Variants in PLEKHM2 observed in about 807,000 individuals in gnomAD.
The protein encoded by PLEKHM2 is pleckstrin homology domain-containing family M member 2.
A neutral mutation model predicts 116.3 loss-of-function variants in PLEKHM2; 77 were observed. The ratio of observed to expected loss-of-function variants is 0.66; its 90% CI spans 0.55 to 0.80. The LOEUF (loss-of-function observed/expected upper bound fraction) is 0.80, where lower values mean the gene tolerates loss of function less well. Ranked by LOEUF, PLEKHM2 falls within the 30% of genes least tolerant of loss-of-function variation. The probability of loss-of-function intolerance (pLI) is 0.00; values close to 1 mark genes in which losing one functional copy is unlikely to be tolerated. For missense variants in PLEKHM2, 1,183 were observed against 1,354.9 expected (o/e 0.87, Z 1.99); for synonymous variants, 562 against 571.0 (o/e 0.98, Z 0.22).
intron 1 of PLEKHM2, among the ~76,000 whole-genome samples, chr1:15,692,084 G>C (rs1640899294): frequency 6.6e-6 from 1 of 151,936 alleles, no homozygotes; most frequent in Non-Finnish European, 1.5e-5. Context: ...TTACACTCCA[G>C]CCTGGGTGAC....
chr1:15,723,744 CAAAAAAAAAAAA>C (rs1056474462), intron 7 of PLEKHM2, among the ~76,000 whole-genome samples: 1 of 76,412 alleles, frequency 1.3e-5, no homozygotes, highest in Non-Finnish European at 2.6e-5. Flanking sequence ...GACCCTGTCT[CAAAAAAAAAAAA>C]AAAAAAAAAA....
rs754341890 is a variant in PLEKHM2 at position 15,730,625 on chromosome 1, C to T, written c.2302C>T (p.Pro768Ser). The change falls in exon 15 of 20, where the codon CCC (proline) becomes TCC (serine). Residue 768 changes from proline to serine, a missense_variant. Physicochemically the swap from Pro to Ser is moderately conservative, Grantham distance 74. Around this residue, in one of 3 missense-constraint regions of PLEKHM2, gnomAD observed 594 missense variants for 720.1 expected, o/e 0.82. Coordinates refer to ENST00000375799, the MANE Select transcript of PLEKHM2 (RefSeq NM_015164.4). ...CCCCACGCCCTGCCACTGCTCACCCCCCGAGGGCACCATCACCAAAGAAGG... is the reference window on the plus strand; with the variant it reads ...CCCCACGCCCTGCCACTGCTCACCCTCCGAGGGCACCATCACCAAAGAAGG... ...LGPTPCHCSP[P>S]EGTITKEGML... 8 of 1,608,254 alleles carry T rather than the reference C, an allele frequency of 5.0e-6. No homozygotes were observed. In the African/African-American group the frequency reaches 8.0e-5, roughly 16 times the overall value.
chr1:15,693,460 T>A (rs1259006444), intron 1 of PLEKHM2, among the ~76,000 whole-genome samples: 2 of 152,236 alleles, frequency 1.3e-5, no homozygotes, highest in Admixed American at 6.5e-5. Flanking sequence ...CAGAACAACC[T>A]GGGCTCGCTC....
At chr1:15,703,559 T>C (rs1337461958) in intron 1 of PLEKHM2, among the ~76,000 whole-genome samples, 1 of 152,228 alleles carries the variant, frequency 6.6e-6, no homozygotes, top group Non-Finnish European at 1.5e-5. Flanking sequence ...TGGCTGTTTA[T>C]CGTCTTTCAC....
chr1:15,691,792 G>A (rs1167002077), intron 1 of PLEKHM2, among the ~76,000 whole-genome samples: 1 of 152,124 alleles, frequency 6.6e-6, no homozygotes, highest in African/African-American at 2.4e-5. Context: ...AGATCTGCAA[G>A]TACAAAAAAA....
chr1:15,725,560 G>T lies in PLEKHM2; in HGVS notation c.941+15G>T. ...GAGGTCATCAGGTCAGCAGGGAGGG[G>T]CCCAGAAAGGAGCTGAGGTCCTGGG... On this transcript the variant is annotated intron_variant, in intron 8 of 19. Coordinates refer to ENST00000375799, the MANE Select transcript of PLEKHM2 (RefSeq NM_015164.4). The T allele has an allele frequency of 6.5e-7, 1 of 1,539,194 alleles. No individual in the cohort carries two copies. The highest frequency in any genetic ancestry group is 1.4e-5 in the African/African-American group (1 of 72,956).
At chr1:15,701,649 G>T (rs1435928563) in intron 1 of PLEKHM2, among the ~76,000 whole-genome samples, 2 of 151,844 alleles carry the variant, frequency 1.3e-5, no homozygotes, top group African/African-American at 2.4e-5. Context: ...AAATTAGCTG[G>T]ACGTGGTGGC....
chr1:15,705,301 C>T (rs1027600618), intron 1 of PLEKHM2, among the ~76,000 whole-genome samples: 2 of 150,966 alleles, frequency 1.3e-5, no homozygotes, highest in African/African-American at 2.4e-5. Flanking sequence ...ACTTCAGCCT[C>T]CTGAGTAGCT....
chr1:15,707,807 G>T (rs1239400237), intron 1 of PLEKHM2, among the ~76,000 whole-genome samples: 3 of 152,246 alleles, frequency 2.0e-5, no homozygotes, highest in Non-Finnish European at 2.9e-5. Flanking sequence ...CACCCTGGCT[G>T]CTCTCCTTGG....
Position 15,728,450 on chromosome 1 carries a change from G to A in PLEKHM2, c.1921+93G>A, listed in dbSNP as rs1340213115. On this transcript the variant is annotated intron_variant, in intron 11 of 19. Coordinates refer to ENST00000375799, the MANE Select transcript of PLEKHM2 (RefSeq NM_015164.4). This position sits in a 1 kb window ranked among gnomAD's most constrained non-coding sequence, Gnocchi z 5.9. ...CCCCTTGCCCTCTGAGTGCCTCCCG[G>A]CTGCCTGGCATGCAGTGATGGAAAG... The A allele has an allele frequency of 1.6e-6, 2 of 1,224,332 alleles. No homozygotes were observed. Among genetic ancestry groups the A allele is most frequent in the Non-Finnish European group, 2.3e-6 (2 of 863,200 alleles). The allele number at this position is 1,224,332 out of a possible 1,614,324, so 75.8% of individuals were successfully genotyped here.
At chr1:15,685,541 G>GAAAAAAAAAAA (rs200301672) in intron 1 of PLEKHM2, among the ~76,000 whole-genome samples, 21 of 73,502 alleles carry the variant, frequency 2.9e-4, no homozygotes, top group African/African-American at 5.3e-4. Context: ...CTCAGAAACT[G>GAAAAAAAAAAA]AAAAAAAAAA....
chr1:15,728,240 C>G lies in PLEKHM2; in HGVS notation c.1831-27C>G, dbSNP rs757145121. The G allele has an allele frequency of 6.2e-7, 1 of 1,611,340 alleles. No homozygotes were observed. Among genetic ancestry groups the G allele is most frequent in the Non-Finnish European group, 8.5e-7 (1 of 1,178,576 alleles). ...CGCTGGAGCGGCAGGAGCCACCTGC[C>G]TGACCCTTGTCTGCTTCGGCCCCCA... On this transcript the variant is annotated intron_variant, in intron 10 of 19. Coordinates refer to ENST00000375799, the MANE Select transcript of PLEKHM2 (RefSeq NM_015164.4). This position sits in a 1 kb window ranked among gnomAD's most constrained non-coding sequence, Gnocchi z 5.9.
At chr1:15,690,472 T>C (rs1640867782) in intron 1 of PLEKHM2, among the ~76,000 whole-genome samples, 2 of 152,230 alleles carry the variant, frequency 1.3e-5, no homozygotes, top group African/African-American at 4.8e-5. Flanking sequence ...TCAGTTCTGC[T>C]CAAAAGCAAC....
intron 1 of PLEKHM2, among the ~76,000 whole-genome samples, chr1:15,695,668 C>A (rs1571023902): frequency 6.6e-6 from 1 of 152,068 alleles, no homozygotes; most frequent in South Asian, 2.1e-4. Flanking sequence ...CCCATCACCA[C>A]GCCTGGCTAA....
upstream of PLEKHM2, among the ~76,000 whole-genome samples, chr1:15,682,262 A>G (rs1289016586): frequency 6.6e-6 from 1 of 151,960 alleles, no homozygotes; most frequent in Admixed American, 6.6e-5. Flanking sequence ...CAGCCTGGCC[A>G]ACATGGCGAA....
chr1:15,725,511 C>A lies in PLEKHM2; in HGVS notation c.907C>A (p.Pro303Thr). Residue 303 changes from proline (P) to threonine (T), a missense_variant, in exon 8 of 20, where the codon CCG becomes ACG. Transcript: ENST00000375799. ...QEKEEAQALDPPDACTELEVI... is the reference protein window; with the variant it reads ...QEKEEAQALDTPDACTELEVI... ...GAAGGAGGAGGCCCAGGCCCTGGAC[C>A]CGCCGGATGCCTGCACGGAGCTCGA... 6.4e-7 allele frequency: 1 copy of A among 1,574,710 alleles called. No individual in the cohort carries two copies. The highest frequency in any genetic ancestry group is 8.6e-7 in the Non-Finnish European group (1 of 1,161,132).
At chr1:15,706,355 A>G (rs1038946582) in intron 1 of PLEKHM2, among the ~76,000 whole-genome samples, 10 of 152,066 alleles carry the variant, frequency 6.6e-5, no homozygotes, top group Non-Finnish European at 1.3e-4. Context: ...CGGATGCCAC[A>G]ATAGCCATTT....
At position 15,727,053 on chromosome 1, in the gene PLEKHM2, C is replaced by T. The variant is rs751424826; in HGVS notation, c.981C>T (p.Ser327=). 128 of 1,490,430 alleles carry T rather than the reference C, an allele frequency of 8.6e-5. No individual in the cohort carries two copies. Among genetic ancestry groups the T allele is most frequent in the Non-Finnish European group, 1.1e-4 (125 of 1,122,188 alleles). The allele number at this position is 1,490,430 out of a possible 1,614,324, so 92.3% of individuals were successfully genotyped here. The change falls in exon 9 of 20, where the codon AGC becomes AGT. Residue 327 remains serine (S), a synonymous_variant. Transcript: ENST00000375799. This position sits in a 1 kb window ranked among gnomAD's most constrained non-coding sequence, Gnocchi z 7.5. ...KKKKIGKKKK[S]RSDEEASPLH... ...AGAAAATTGGCAAGAAGAAAAAGAG[C>T]AGATCAGATGAGGAGGCAAGTCCAC...
intron 8 of PLEKHM2, among the ~76,000 whole-genome samples, chr1:15,726,469 C>T (rs1360593243): frequency 6.6e-6 from 1 of 152,202 alleles, no homozygotes; most frequent in East Asian, 1.9e-4. Flanking sequence ...TGGGCTGGTT[C>T]CAGTCCACAG....
Sources: allele counts gnomAD v4.1 joint callset (sites outside exome capture counted in the v4.1 genomes callset), GRCh38; gene constraint gnomAD v4.1.1; regional missense constraint gnomAD v4.1.1; non-coding constraint Gnocchi (gnomAD v3.1); transcripts MANE v1.5; gene names NCBI Gene and HGNC (gene_info 2026-07-23, HGNC 2026-07-21).